GALNTL6: variants seen among roughly 807,000 people sequenced by gnomAD.
GALNTL6 encodes the protein polypeptide N-acetylgalactosaminyltransferase like 6.
A neutral mutation model predicts 73.7 loss-of-function variants in GALNTL6; 46 were observed. The observed-to-expected ratio is 0.62, with a 90% CI of 0.49 to 0.80. GALNTL6 has a LOEUF of 0.80. GALNTL6 is among the 30% of genes least tolerant of loss of function. The probability of loss-of-function intolerance (pLI) is 0.00; values close to 1 mark genes in which losing one functional copy is unlikely to be tolerated. For missense variants in GALNTL6, 604 were observed against 755.0 expected, an observed-to-expected ratio of 0.80 and a Z score of 2.34; for synonymous variants, 259 against 263.7, an observed-to-expected ratio of 0.98 and a Z score of 0.17.
intron 5 of GALNTL6, among the ~76,000 whole-genome samples, chr4:172,351,044 T>C (rs1293062481): frequency 6.6e-6 from 1 of 152,154 alleles, no homozygotes; most frequent in Non-Finnish European, 1.5e-5. Flanking sequence ...CAGTGAATTG[T>C]GTGCTCATGG....
chr4:172,368,648 C>T (rs201354203), intron 5 of GALNTL6, among the ~76,000 whole-genome samples: 38 of 151,926 alleles, frequency 2.5e-4, no homozygotes, highest in East Asian at 1.4e-3. Context: ...AGAATGAAGC[C>T]GCGGACCCTT....
At chr4:172,193,373 A>G (rs1231616454) in intron 2 of GALNTL6, among the ~76,000 whole-genome samples, 1 of 152,164 alleles carries the variant, frequency 6.6e-6, no homozygotes, top group African/African-American at 2.4e-5. Context: ...CTCCAGGTGC[A>G]GGAGGAACCC....
At chr4:172,448,156 C>T (rs1732094071) in intron 5 of GALNTL6, among the ~76,000 whole-genome samples, 3 of 152,082 alleles carry the variant, frequency 2.0e-5, no homozygotes, top group Admixed American at 2.0e-4. Flanking sequence ...ACTGATTCTT[C>T]AATTCATGAA....
At chr4:172,724,691 T>C (rs922885998) in intron 5 of GALNTL6, among the ~76,000 whole-genome samples, 3 of 152,164 alleles carry the variant, frequency 2.0e-5, no homozygotes, top group East Asian at 1.9e-4. Flanking sequence ...GAAGGGAAGT[T>C]ATTGAAGTGG....
At chr4:172,131,251 C>A (rs1327622811) in intron 2 of GALNTL6, among the ~76,000 whole-genome samples, 1 of 151,132 alleles carries the variant, frequency 6.6e-6, no homozygotes, top group Non-Finnish European at 1.5e-5. Flanking sequence ...AATACGAAAT[C>A]TCTTCCTTTT....
intron 5 of GALNTL6, among the ~76,000 whole-genome samples, chr4:172,551,366 T>C (rs868524726): frequency 6.6e-6 from 1 of 152,176 alleles, no homozygotes; most frequent in South Asian, 2.1e-4. Context: ...AATTTTGATA[T>C]AATTTCAGAG....
intron 5 of GALNTL6, among the ~76,000 whole-genome samples, chr4:172,543,651 G>A (rs1379187414): frequency 6.6e-6 from 1 of 152,158 alleles, no homozygotes; most frequent in African/African-American, 2.4e-5. Flanking sequence ...ACAGAGACAG[G>A]GTAAGATGAG....
chr4:171,864,254 G>C (rs974460406), intron 2 of GALNTL6, among the ~76,000 whole-genome samples: 1 of 152,054 alleles, frequency 6.6e-6, no homozygotes, highest in Middle Eastern at 3.2e-3. Flanking sequence ...CACAGATTTA[G>C]GTTCTGAATA....
chr4:171,985,233 T>C (rs1189519573), intron 2 of GALNTL6, among the ~76,000 whole-genome samples: 2 of 152,162 alleles, frequency 1.3e-5, no homozygotes, highest in African/African-American at 4.8e-5. Context: ...GACTCATAGT[T>C]CCACATTTTT....
intron 5 of GALNTL6, among the ~76,000 whole-genome samples, chr4:172,683,126 C>G (rs1045534091): frequency 6.6e-6 from 1 of 152,174 alleles, no homozygotes; most frequent in Non-Finnish European, 1.5e-5. Flanking sequence ...TTTGTTGAGA[C>G]GTTTTGGCCA....
At chr4:172,524,479 A>G (rs1734887245) in intron 5 of GALNTL6, among the ~76,000 whole-genome samples, 2 of 152,186 alleles carry the variant, frequency 1.3e-5, no homozygotes, top group African/African-American at 4.8e-5. Context: ...GTGAGTAGCT[A>G]TATTTCATTC....
At chr4:172,903,095 T>C (rs1307657389) in intron 8 of GALNTL6, among the ~76,000 whole-genome samples, 1 of 152,140 alleles carries the variant, frequency 6.6e-6, no homozygotes, top group Non-Finnish European at 1.5e-5. Flanking sequence ...TACCCAACAT[T>C]TCATTATTTT....
At chr4:172,669,983 C>T (rs1190757685) in intron 5 of GALNTL6, among the ~76,000 whole-genome samples, 5 of 152,102 alleles carry the variant, frequency 3.3e-5, no homozygotes, top group African/African-American at 1.2e-4. Flanking sequence ...CTATCCATGT[C>T]CCTCCAAAAA....
intron 5 of GALNTL6, among the ~76,000 whole-genome samples, chr4:172,723,571 T>G (rs911174653): frequency 6.6e-6 from 1 of 152,196 alleles, no homozygotes; most frequent in African/African-American, 2.4e-5. Context: ...CACTTTTTTT[T>G]TCTGATTACT....
chr4:172,327,505 C>T (rs1232645058), intron 4 of GALNTL6, among the ~76,000 whole-genome samples: 1 of 152,098 alleles, frequency 6.6e-6, no homozygotes, highest in Non-Finnish European at 1.5e-5. Context: ...TGAAGTCTCC[C>T]AGTGTTATTG....
chr4:172,168,718 G>T (rs1163400931), intron 2 of GALNTL6, among the ~76,000 whole-genome samples: 1 of 152,056 alleles, frequency 6.6e-6, no homozygotes, highest in Non-Finnish European at 1.5e-5. Context: ...AATGGTGATG[G>T]TGACGGTCAA....
intron 2 of GALNTL6, among the ~76,000 whole-genome samples, chr4:172,072,576 C>T (rs1731577159): frequency 6.6e-6 from 1 of 152,110 alleles, no homozygotes; most frequent in Non-Finnish European, 1.5e-5. Context: ...TCAGATCTAC[C>T]TCACAACGTA....
intron 2 of GALNTL6, among the ~76,000 whole-genome samples, chr4:172,051,290 G>A (rs540635199): frequency 5.3e-4 from 80 of 152,274 alleles, no homozygotes; most frequent in African/African-American, 1.8e-3. Context: ...GCCCAAGTGG[G>A]CGTGTATTAC....
chr4:172,343,694 T>C (rs1212712728), intron 4 of GALNTL6, among the ~76,000 whole-genome samples: 1 of 152,182 alleles, frequency 6.6e-6, no homozygotes. Flanking sequence ...TTATGTATTC[T>C]GTTTTGGAAA....
Sources: allele counts gnomAD v4.1 joint callset (sites outside exome capture counted in the v4.1 genomes callset), GRCh38; gene constraint gnomAD v4.1.1; transcripts MANE v1.5; gene names NCBI Gene and HGNC (gene_info 2026-07-23, HGNC 2026-07-21).